The following CALCOCO1 variants were observed in gnomAD, a reference collection of about 807,000 sequenced individuals.
The protein encoded by CALCOCO1 is calcium-binding and coiled-coil domain-containing protein 1.
Under a neutral mutation model 86.3 loss-of-function variants are expected in CALCOCO1, and 44 were observed. The ratio of observed to expected loss-of-function variants is 0.51; its 90% CI spans 0.40 to 0.66. The LOEUF (loss-of-function observed/expected upper bound fraction) is 0.66. Ranked by LOEUF, CALCOCO1 falls within the 30% of genes least tolerant of loss-of-function variation. The probability of loss-of-function intolerance (pLI) is 0.00; values close to 1 mark genes in which losing one functional copy is unlikely to be tolerated. For synonymous variants in CALCOCO1, 297 were observed against 327.6 expected, an observed-to-expected ratio of 0.91 and a Z score of 1.01; for missense variants, 708 against 851.1, an observed-to-expected ratio of 0.83 and a Z score of 2.09.
chr12:53,720,896 T>C (rs770505795), intron 6 of CALCOCO1, among the ~76,000 whole-genome samples: 1 of 152,310 alleles, frequency 6.6e-6, no homozygotes, highest in South Asian at 2.1e-4. Flanking sequence ...TGGTAAGTTA[T>C]AGGAGAGGAG....
At chr12:53,716,441 G>A (rs547880737) in intron 7 of CALCOCO1, 26 bp from the exon 8 acceptor site, 4 of 1,613,888 alleles carry the variant, frequency 2.5e-6, no homozygotes, top group Non-Finnish European at 3.4e-6. Flanking sequence ...AGCAGGTAAG[G>A]AAAGGGGTAT....
intron 14 of CALCOCO1, chr12:53,712,764 T>A (rs771035691): frequency 2.3e-6 from 3 of 1,314,932 alleles, no homozygotes; most frequent in Non-Finnish European, 3.0e-6. Flanking sequence ...CGGAGGACCC[T>A]AGGTACCTAC....
In CALCOCO1 at chr12:53,714,700, G is replaced by A. The variant is rs1945677175; in HGVS notation, c.1387-7C>T. On this transcript the variant is annotated splice_region_variant and splice_polypyrimidine_tract_variant and intron_variant, in intron 10 of 14. Transcript: ENST00000550804. The stretch of plus-strand genomic sequence containing the variant: ...TACTTTCTGACAACTGTACCTGAGG[G>A]AAGAGGGCCCAATGGAATCTGGAGC... The A allele has an allele frequency of 6.2e-7, 1 of 1,606,894 alleles. No individual in the cohort carries two copies. The highest frequency in any genetic ancestry group is 8.5e-7 in the Non-Finnish European group (1 of 1,174,446).
chr12:53,713,255 G>T (rs753328641), intron 13 of CALCOCO1, 49 bp from the exon 14 acceptor site: 2 of 1,471,220 alleles, frequency 1.4e-6, no homozygotes, highest in Non-Finnish European at 9.5e-7. Flanking sequence ...GTCCCAAGAT[G>T]GGGGAGCAGC....
chr12:53,715,977 G>A lies in CALCOCO1; in HGVS notation c.1076C>T (p.Ala359Val), dbSNP rs1183047349. The change falls in exon 9 of 15, where the codon GCC becomes GTC. Residue 359 changes from alanine (A) to valine (V), a missense_variant. Physicochemically the swap from Ala to Val is moderately conservative, Grantham distance 64. Transcript: ENST00000550804. The stretch of plus-strand genomic sequence containing the variant: ...GGCCAACTCCTCCCCAAGAAGGGTG[G>A]CTTTCTGCTGGCTTGAGGCTGCAAG... ...QELAASSQQKATLLGEELASA... is the reference protein window; with the variant it reads ...QELAASSQQKVTLLGEELASA... The A allele has an allele frequency of 6.2e-7, 1 of 1,614,138 alleles. No homozygotes were observed. The highest frequency in any genetic ancestry group is 8.5e-7 in the Non-Finnish European group (1 of 1,180,044).
chr12:53,715,700 T>A, intron 9 of CALCOCO1, 93 bp downstream of exon 9: 1 of 1,518,764 alleles, frequency 6.6e-7, no homozygotes, highest in East Asian at 2.3e-5. Flanking sequence ...CAACCCCTCT[T>A]CTCTCCTCCC....
intron 6 of CALCOCO1, 21 bp downstream of exon 6, chr12:53,721,446 G>C: frequency 6.3e-7 from 1 of 1,574,858 alleles, no homozygotes; most frequent in Non-Finnish European, 8.6e-7. Context: ...GGAAGTGACG[G>C]GGTCAGTGGA....
chr12:53,712,249 G>A, intron 14 of CALCOCO1, 128 bp from the exon 15 acceptor site: 1 of 740,656 alleles, frequency 1.4e-6, no homozygotes, highest in Non-Finnish European at 2.2e-6. Context: ...CAGCATCCTG[G>A]CCTCTCCCAC....
At chr12:53,715,145 G>C in intron 10 of CALCOCO1, 55 bp downstream of exon 10, 1 of 1,595,880 alleles carries the variant, frequency 6.3e-7, no homozygotes, top group African/African-American at 1.3e-5. Flanking sequence ...GAGAGAAGGG[G>C]TATGGATGCC....
chr12:53,713,941 T>C, intron 12 of CALCOCO1, 41 bp from the exon 13 acceptor site: 1 of 1,501,070 alleles, frequency 6.7e-7, no homozygotes, highest in South Asian at 1.3e-5. Flanking sequence ...AAAGGATGTG[T>C]TGTGAGGAGT....
rs1593080105 is a variant in CALCOCO1, at chr12:53,715,424, T to C, written c.1261-99A>G. 7.5e-6 allele frequency: 11 copies of C among 1,472,656 alleles called. No homozygotes were observed. The East Asian group carries it at 2.5e-4, about 33-fold the overall frequency. 91.2% of individuals were successfully genotyped at this position (1,472,656 alleles called of 1,614,324 possible). A position where few individuals can be genotyped will look rare whatever the true frequency, so the allele number is the denominator to read the frequency against. On this transcript the variant is annotated intron_variant, in intron 9 of 14. Transcript: ENST00000550804. ...TCCCTTACTGTGTCCTTTCCTTTAT[T>C]TAAAGCATCATTTTTAGAGCACTTT...
chr12:53,725,283 T>TG lies in CALCOCO1; in HGVS notation c.-24-18dup. ...TCTGTCCTCCTATGAAAGAAAGGGT[T>TG]GATAGCCTAAAGTCTTTCCAGTCCA... On this transcript the variant is annotated splice_polypyrimidine_tract_variant and intron_variant, in intron 1 of 14. Transcript: ENST00000550804. The TG allele has an allele frequency of 6.5e-7, 1 of 1,529,930 alleles. No individual in the cohort carries two copies. The highest frequency in any genetic ancestry group is 8.8e-7 in the Non-Finnish European group (1 of 1,136,136). 94.8% of individuals were successfully genotyped at this position (1,529,930 alleles called of 1,614,324 possible).
At chr12:53,724,624 A>G (rs758237556) in intron 3 of CALCOCO1, 21 bp downstream of exon 3, 4 of 1,599,596 alleles carry the variant, frequency 2.5e-6, no homozygotes, top group East Asian at 4.5e-5. Context: ...CTCTCTCCCA[A>G]TTTTCCATCT....
At chr12:53,713,353 G>A in intron 13 of CALCOCO1, 147 bp from the exon 14 acceptor site, 1 of 669,232 alleles carries the variant, frequency 1.5e-6, no homozygotes, top group Non-Finnish European at 2.7e-6. Flanking sequence ...GGCGTTTTGA[G>A]GGGCTGGTGA....
chr12:53,715,241 C>G lies in CALCOCO1; in HGVS notation c.1345G>C (p.Val449Leu), dbSNP rs1265456214. The change falls in exon 10 of 15, where the codon GTG (valine) becomes CTG (leucine). Residue 449 changes from valine to leucine, a missense_variant. Coordinates refer to ENST00000550804, the MANE Select transcript of CALCOCO1 (RefSeq NM_020898.3). ...TCCCGGGCCAGCTCAGTCTTGAACACTTGGTTTTGGGTCCTCTCCTCCTGA... is the reference window on the plus strand; with the variant it reads ...TCCCGGGCCAGCTCAGTCTTGAACAGTTGGTTTTGGGTCCTCTCCTCCTGA... The part of the protein sequence containing the change: ...AVQEERTQNQ[V>L]FKTELAREKD... 1.2e-6 allele frequency: 2 copies of G among 1,614,040 alleles called. No individual in the cohort carries two copies. The highest frequency in any genetic ancestry group is 2.7e-5 in the African/African-American group (2 of 74,910).
chr12:53,726,960 GCGGGTGTCCCATCCCCTA>G (rs1428250669), intron 1 of CALCOCO1, among the ~76,000 whole-genome samples: 1 of 152,182 alleles, frequency 6.6e-6, no homozygotes. Flanking sequence ...GGGGCGGAGA[GCGGGTGTCCCATCCCCTA>G]CTCTGTAGGG....
intron 6 of CALCOCO1, among the ~76,000 whole-genome samples, chr12:53,721,158 C>G (rs1298589849): frequency 6.6e-6 from 1 of 152,234 alleles, no homozygotes; most frequent in African/African-American, 2.4e-5. Flanking sequence ...TCCATCCTCT[C>G]TTATCTTGCA....
intron 3 of CALCOCO1, 155 bp downstream of exon 3, chr12:53,724,490 C>T (rs77808076): frequency 0.13 from 81,891 of 640,684 alleles, 5,954 homozygotes; most frequent in Non-Finnish European, 0.16. Flanking sequence ...ATTCTCTATC[C>T]GCTGAGCGCT....
In CALCOCO1 at chr12:53,724,668, A is replaced by G. The variant is rs781266766; in HGVS notation, c.236T>C (p.Ile79Thr). 1.9e-6 allele frequency: 3 copies of G among 1,613,892 alleles called. No homozygotes were observed. Among genetic ancestry groups the G allele is most frequent in the Non-Finnish European group, 2.5e-6 (3 of 1,179,896 alleles). ...ACCTTGGAACTGGACACTGGTGTGA[A>G]TGGGGGAACCATCAGTTGTACTTTC... is the stretch of plus-strand genomic sequence containing the variant. ...VPESTTDGSP[I>T]HTSVQFQASY... The change falls in exon 3 of 15, where the codon ATT becomes ACT. Residue 79 changes from isoleucine to threonine, a missense_variant. Ile to Thr is a moderately conservative substitution (Grantham distance 89, BLOSUM62 -1). Transcript: ENST00000550804.
Sources: gnomAD v4.1 joint callset for allele counts (sites outside exome capture counted in the v4.1 genomes callset) on GRCh38, gnomAD v4.1.1 for gene constraint, MANE v1.5 for transcripts, NCBI Gene and HGNC (gene_info 2026-07-23, HGNC 2026-07-21) for gene names.